The following OSBPL1A variants were observed in gnomAD, a reference collection of about 807,000 sequenced individuals.
OSBPL1A encodes the protein oxysterol-binding protein-related protein 1.
In OSBPL1A, 80 loss-of-function variants were observed where a neutral mutation model predicts 137.1. The observed-to-expected ratio is 0.58, with a 90% CI of 0.49 to 0.70. OSBPL1A has a LOEUF of 0.70. Among genes scored for constraint, OSBPL1A ranks in the 30% least tolerant of loss-of-function variants. The pLI is 0.00. For missense variants in OSBPL1A, 970 were observed against 1,129.4 expected, an observed-to-expected ratio of 0.86 and a Z score of 2.02; for synonymous variants, 365 against 389.7, an observed-to-expected ratio of 0.94 and a Z score of 0.75.
At chr18:24,315,397 T>C (rs1425621942) in intron 11 of OSBPL1A, among the ~76,000 whole-genome samples, 1 of 151,748 alleles carries the variant, frequency 6.6e-6, no homozygotes, top group Non-Finnish European at 1.5e-5. Flanking sequence ...AAGCAGCTCA[T>C]ATAAACACAA....
chr18:24,284,519 G>A (rs572576583), intron 14 of OSBPL1A, among the ~76,000 whole-genome samples: 128 of 152,174 alleles, frequency 8.4e-4, no homozygotes, highest in South Asian at 5.8e-3. Context: ...TCATGATTAC[G>A]CTGAACAATT....
intron 6 of OSBPL1A, among the ~76,000 whole-genome samples, chr18:24,333,715 C>A (rs948895575): frequency 1.3e-5 from 2 of 152,154 alleles, no homozygotes; most frequent in Non-Finnish European, 2.9e-5. Context: ...GGAATGGAAG[C>A]TGGAAAGTAG....
chr18:24,229,853 T>G, intron 16 of OSBPL1A, among the ~76,000 whole-genome samples: 1 of 151,870 alleles, frequency 6.6e-6, no homozygotes, highest in South Asian at 2.1e-4. Flanking sequence ...CTCACGCAAG[T>G]GATTCTTGTG....
chr18:24,381,103 C>T (rs772113787), intron 1 of OSBPL1A, among the ~76,000 whole-genome samples: 15 of 152,146 alleles, frequency 9.9e-5, no homozygotes, highest in Non-Finnish European at 1.3e-4. Flanking sequence ...TCAGGACCCC[C>T]GTGGTAGTTA....
intron 15 of OSBPL1A, among the ~76,000 whole-genome samples, chr18:24,268,993 C>G (rs2089650437): frequency 6.6e-6 from 1 of 152,194 alleles, no homozygotes; most frequent in Admixed American, 6.5e-5. Context: ...TGCCATAAAA[C>G]TGGGTGTCAC....
chr18:24,203,908 T>C (rs182316238), intron 17 of OSBPL1A, among the ~76,000 whole-genome samples: 1 of 152,364 alleles, frequency 6.6e-6, no homozygotes, highest in Non-Finnish European at 1.5e-5. Context: ...ATAAGAATAC[T>C]ATATCTCAAA....
chr18:24,245,604 C>T (rs532499542), intron 15 of OSBPL1A, among the ~76,000 whole-genome samples: 1 of 152,222 alleles, frequency 6.6e-6, no homozygotes, highest in Non-Finnish European at 1.5e-5. Context: ...TGCAAATGGT[C>T]AATGTTACTT....
chr18:24,349,850 T>C (rs1429569544), intron 4 of OSBPL1A, among the ~76,000 whole-genome samples: 1 of 152,214 alleles, frequency 6.6e-6, no homozygotes, highest in Non-Finnish European at 1.5e-5. Flanking sequence ...TCACGGTCCC[T>C]GAGCAGAGAA....
chr18:24,233,428 G>A (rs988042607), intron 16 of OSBPL1A, among the ~76,000 whole-genome samples: 1 of 152,112 alleles, frequency 6.6e-6, no homozygotes, highest in African/African-American at 2.4e-5. Context: ...CCAAAGTGGT[G>A]AATATAGATG....
intron 7 of OSBPL1A, among the ~76,000 whole-genome samples, chr18:24,326,218 G>C (rs886849213): frequency 2.0e-5 from 3 of 152,122 alleles, no homozygotes; most frequent in Non-Finnish European, 2.9e-5. Flanking sequence ...GTGCTTCTGG[G>C]GACAATGTGG....
chr18:24,228,126 G>A (rs1288227722), intron 16 of OSBPL1A, among the ~76,000 whole-genome samples: 1 of 152,070 alleles, frequency 6.6e-6, no homozygotes, highest in Non-Finnish European at 1.5e-5. Context: ...CAGTCACACT[G>A]AGAACCCCTG....
chr18:24,199,608 G>A (rs1455571772), intron 17 of OSBPL1A, among the ~76,000 whole-genome samples: 1 of 152,192 alleles, frequency 6.6e-6, no homozygotes, highest in Non-Finnish European at 1.5e-5. Flanking sequence ...TGTGGCAGAA[G>A]CTTTGGAATG....
In OSBPL1A at chr18:24,280,588, T is replaced by C. The variant is rs576004273; in HGVS notation, c.1281+254A>G. 7.2e-5 allele frequency among the ~76,000 whole-genome samples: 11 copies of C among 152,328 alleles called. No homozygotes were observed. The South Asian group carries it at 2.1e-3, about 29-fold the overall frequency. ...CTCTCTTATTGAAGTGTCATAACAA[T>C]CCTGAGTAGATCAATTTTAAGTATA... On this transcript the variant is annotated intron_variant, in intron 15 of 27. Transcript: ENST00000319481.
chr18:24,295,958 T>C (rs1192970049), intron 14 of OSBPL1A, among the ~76,000 whole-genome samples: 1 of 152,204 alleles, frequency 6.6e-6, no homozygotes, highest in African/African-American at 2.4e-5. Context: ...AGATTTGTTC[T>C]TTTTTCTTAG....
chr18:24,382,781 T>C (rs1599737326), intron 1 of OSBPL1A, among the ~76,000 whole-genome samples: 1 of 151,460 alleles, frequency 6.6e-6, no homozygotes, highest in Non-Finnish European at 1.5e-5. Flanking sequence ...GAGGCTGAGG[T>C]GGAAGGATCA....
intron 24 of OSBPL1A, among the ~76,000 whole-genome samples, chr18:24,169,616 G>A (rs1179730898): frequency 6.6e-6 from 1 of 152,188 alleles, no homozygotes; most frequent in Non-Finnish European, 1.5e-5. Flanking sequence ...GCTCATCACC[G>A]GTGGGGCTAA....
intron 17 of OSBPL1A, among the ~76,000 whole-genome samples, chr18:24,221,315 G>A (rs558131838): frequency 1.1e-4 from 16 of 152,070 alleles, no homozygotes; most frequent in South Asian, 6.2e-4. Context: ...TCTTTCCTGC[G>A]GCTAAGAACT....
At chr18:24,311,621 A>T in intron 13 of OSBPL1A, 1 of 487,844 alleles carries the variant, frequency 2.0e-6, no homozygotes, top group Non-Finnish European at 2.7e-6. Flanking sequence ...CATTATTTAA[A>T]CTCTGAAATG....
At chr18:24,332,385 CAAAAAAAAAAAAA>C (rs71163675) in intron 7 of OSBPL1A, among the ~76,000 whole-genome samples, 6 of 53,080 alleles carry the variant, frequency 1.1e-4, no homozygotes, top group Admixed American at 2.5e-4. Context: ...GACTCTGTCT[CAAAAAAAAAAAAA>C]AAAAAAAAAA....
Sources: allele counts gnomAD v4.1 joint callset (sites outside exome capture counted in the v4.1 genomes callset), GRCh38; gene constraint gnomAD v4.1.1; transcripts MANE v1.5; gene names NCBI Gene and HGNC (gene_info 2026-07-23, HGNC 2026-07-21).